The following KCNB2 variants were observed in gnomAD, a reference collection of about 807,000 sequenced individuals.
KCNB2 encodes delayed rectifier potassium channel protein.
KCNB2 carries 15 observed loss-of-function variants against 61.5 expected under a neutral mutation model. The ratio of observed to expected loss-of-function variants is 0.24; its 90% CI spans 0.16 to 0.38. KCNB2 has a LOEUF of 0.38. Ranked by LOEUF, KCNB2 falls within the 10% of genes least tolerant of loss-of-function variation. The pLI is 1.00. For missense variants in KCNB2, 828 were observed against 1,125.2 expected (o/e 0.74, Z 3.78); for synonymous variants, 457 against 446.0 (o/e 1.02, Z -0.31).
At chr8:72,772,670 G>C (rs533628776) in intron 2 of KCNB2, among the ~76,000 whole-genome samples, 1 of 152,188 alleles carries the variant, frequency 6.6e-6, no homozygotes, top group Admixed American at 6.5e-5. Flanking sequence ...GTAGTGTGGT[G>C]GTAGGAAATA....
chr8:72,837,639 A>G (rs1320676115), intron 2 of KCNB2, among the ~76,000 whole-genome samples: 1 of 152,206 alleles, frequency 6.6e-6, no homozygotes, highest in Non-Finnish European at 1.5e-5. Context: ...AATAAAGAAA[A>G]TAAGTTTAAA....
chr8:72,651,188 T>C lies in KCNB2; in HGVS notation c.579+82875T>C, dbSNP rs148986044. Among the ~76,000 whole-genome samples, 27 of 152,296 alleles carry C rather than the reference T, an allele frequency of 1.8e-4. 1 individual carries two copies. The East Asian group carries it at 4.4e-3, about 25-fold the overall frequency. On this transcript the variant is annotated intron_variant, in intron 2 of 2. Transcript: ENST00000523207. Reference sequence around the variant, plus strand: ...TCAATATAAACATGTTTAGAGTGTGTGCATGAGGCATAGTTATATGTCATA... The same window carrying C: ...TCAATATAAACATGTTTAGAGTGTGCGCATGAGGCATAGTTATATGTCATA...
At chr8:72,920,862 A>G (rs1806508131) in intron 2 of KCNB2, among the ~76,000 whole-genome samples, 1 of 152,156 alleles carries the variant, frequency 6.6e-6, no homozygotes, top group African/African-American at 2.4e-5. Context: ...AAAGCAGTCA[A>G]TAAAAGATCA....
chr8:72,832,205 T>G (rs1809709885), intron 2 of KCNB2, among the ~76,000 whole-genome samples: 1 of 152,164 alleles, frequency 6.6e-6, no homozygotes, highest in Non-Finnish European at 1.5e-5. Flanking sequence ...ACTTGGAAAA[T>G]TACATTATAA....
intron 2 of KCNB2, among the ~76,000 whole-genome samples, chr8:72,695,805 A>T: frequency 6.6e-6 from 1 of 152,318 alleles, no homozygotes; most frequent in Middle Eastern, 3.4e-3. Flanking sequence ...CACTGACAAA[A>T]CTTTGGTCAT....
rs548083555 is a variant in KCNB2, at chr8:72,700,007, T to C, written c.579+131694T>C. The stretch of plus-strand genomic sequence containing the variant: ...GGCACATATACACCAAGGAATACTA[T>C]GCAGCGAGAAAAAAAGAATGAGATC... On this transcript the variant is annotated intron_variant, in intron 2 of 2. Transcript: ENST00000523207. Among the ~76,000 whole-genome samples the C allele has an allele frequency of 1.2e-4, 19 of 152,238 alleles. 2 individuals carry two copies. In the South Asian group the frequency reaches 3.7e-3, roughly 30 times the overall value.
intron 2 of KCNB2, among the ~76,000 whole-genome samples, chr8:72,674,477 G>T (rs2128988442): frequency 6.6e-6 from 1 of 152,312 alleles, no homozygotes; most frequent in East Asian, 1.9e-4. Context: ...AAGAAGCAGT[G>T]TACAATAAAT....
intron 2 of KCNB2, among the ~76,000 whole-genome samples, chr8:72,842,328 C>G (rs1167845543): frequency 6.6e-6 from 1 of 152,166 alleles, no homozygotes; most frequent in Non-Finnish European, 1.5e-5. Flanking sequence ...CTATTGGATT[C>G]AGTTTGCCAA....
chr8:72,850,240 A>T (rs10102660), intron 2 of KCNB2, among the ~76,000 whole-genome samples: 2 of 150,892 alleles, frequency 1.3e-5, no homozygotes, highest in African/African-American at 2.4e-5. Context: ...TGTGTGTGTA[A>T]ATAGAGTCTC....
chr8:72,783,721 C>A (rs1407682236), intron 2 of KCNB2, among the ~76,000 whole-genome samples: 1 of 152,170 alleles, frequency 6.6e-6, no homozygotes, highest in African/African-American at 2.4e-5. Flanking sequence ...GGACCAGGGA[C>A]CTGCCTTTTG....
chr8:72,643,100 C>G (rs990536407), intron 2 of KCNB2, among the ~76,000 whole-genome samples: 1 of 152,134 alleles, frequency 6.6e-6, no homozygotes, highest in African/African-American at 2.4e-5. Flanking sequence ...AGAGTATGCT[C>G]TCATGGTGTT....
At chr8:72,928,056 A>G (rs562414003) in intron 2 of KCNB2, among the ~76,000 whole-genome samples, 2 of 152,282 alleles carry the variant, frequency 1.3e-5, no homozygotes, top group African/African-American at 4.8e-5. Context: ...AGAGCCATAA[A>G]TACTCTGGTG....
chr8:72,842,978 C>T (rs1180294469), intron 2 of KCNB2, among the ~76,000 whole-genome samples: 1 of 152,088 alleles, frequency 6.6e-6, no homozygotes, highest in Non-Finnish European at 1.5e-5. Flanking sequence ...CTTCTCCTAG[C>T]CTTTGAATTT....
chr8:72,727,689 CT>C (rs1322970358), intron 2 of KCNB2, among the ~76,000 whole-genome samples: 1 of 152,160 alleles, frequency 6.6e-6, no homozygotes, highest in South Asian at 2.1e-4. Flanking sequence ...ATTACATGGA[CT>C]TCCTGTGAAA....
chr8:72,867,561 G>A (rs1375531224), intron 2 of KCNB2, among the ~76,000 whole-genome samples: 6 of 152,200 alleles, frequency 3.9e-5, no homozygotes. Flanking sequence ...TTTAAATTTA[G>A]TCAAATGAGT....
At chr8:72,803,968 G>A (rs555271103) in intron 2 of KCNB2, among the ~76,000 whole-genome samples, 116 of 152,266 alleles carry the variant, frequency 7.6e-4, no homozygotes, top group African/African-American at 2.8e-3. Context: ...AGCAGAAAGT[G>A]GTGTGTTCCA....
chr8:72,755,641 C>T (rs1006203239), intron 2 of KCNB2, among the ~76,000 whole-genome samples: 1 of 152,152 alleles, frequency 6.6e-6, no homozygotes, highest in Admixed American at 6.6e-5. Flanking sequence ...GTTAAAACCA[C>T]AATTAGATAT....
intron 2 of KCNB2, among the ~76,000 whole-genome samples, chr8:72,717,593 G>A (rs1209261200): frequency 1.3e-5 from 2 of 152,076 alleles, no homozygotes; most frequent in Non-Finnish European, 2.9e-5. Flanking sequence ...ATGGTGCTGG[G>A]AAAACTGGCT....
intron 2 of KCNB2, among the ~76,000 whole-genome samples, chr8:72,723,814 T>C (rs1192446559): frequency 6.6e-6 from 1 of 152,206 alleles, no homozygotes; most frequent in African/African-American, 2.4e-5. Flanking sequence ...CCTAGGACAT[T>C]CAGTTATGGA....
Sources: allele counts gnomAD v4.1 joint callset (sites outside exome capture counted in the v4.1 genomes callset), GRCh38; gene constraint gnomAD v4.1.1; transcripts MANE v1.5; gene names NCBI Gene and HGNC (gene_info 2026-07-23, HGNC 2026-07-21).